KSR2: variants seen among roughly 807,000 people sequenced by gnomAD.
The protein encoded by KSR2 is kinase suppressor of ras 2.
Under a neutral mutation model 107.8 loss-of-function variants are expected in KSR2, and 25 were observed. That is an observed-to-expected ratio of 0.23 (90% CI 0.17 to 0.32). The LOEUF (loss-of-function observed/expected upper bound fraction) is 0.32, where lower values mean the gene tolerates loss of function less well. KSR2 is among the 10% of genes least tolerant of loss of function. The pLI is 1.00. For missense variants in KSR2, 887 were observed against 1,268.9 expected, an observed-to-expected ratio of 0.70 and a Z score of 4.57; for synonymous variants, 480 against 507.0, an observed-to-expected ratio of 0.95 and a Z score of 0.71.
Position 117,968,430 on chromosome 12 carries a change from GA to G in KSR2, c.-176del. The G allele has an allele frequency of 7.5e-7, 1 of 1,326,742 alleles. No homozygotes were observed. Among genetic ancestry groups the G allele is most frequent in the Non-Finnish European group, 9.6e-7 (1 of 1,046,156 alleles). 82.2% of individuals were successfully genotyped at this position (1,326,742 alleles called of 1,614,324 possible). A position where few individuals can be genotyped will look rare whatever the true frequency, so the allele number is the denominator to read the frequency against. On this transcript the variant is annotated 5_prime_UTR_variant, in exon 1 of 20. Coordinates refer to ENST00000339824, the MANE Select transcript of KSR2 (RefSeq NM_173598.6). ...TGAGGGGGTGGGAGTGGGAGGAGGG[GA>G]CAAGAGCCAAAATTTATTATTTTAT...
intron 1 of KSR2, among the ~76,000 whole-genome samples, chr12:117,956,732 G>C (rs575216951): frequency 1.2e-4 from 18 of 152,146 alleles, no homozygotes; most frequent in Admixed American, 9.8e-4. Context: ...TTCAAGGCCA[G>C]CCTGGGCAAC....
intron 14 of KSR2, among the ~76,000 whole-genome samples, chr12:117,522,035 A>T (rs2137228025): frequency 6.6e-6 from 1 of 152,322 alleles, no homozygotes; most frequent in Middle Eastern, 3.4e-3. Context: ...AAAACACTTC[A>T]GAGACCAATT....
At chr12:117,638,612 T>C (rs1883215708) in intron 5 of KSR2, among the ~76,000 whole-genome samples, 3 of 152,056 alleles carry the variant, frequency 2.0e-5, no homozygotes, top group South Asian at 4.1e-4. Flanking sequence ...TAGGGACATG[T>C]ACATGTGAGG....
At chr12:117,950,755 T>A (rs971174104) in intron 1 of KSR2, among the ~76,000 whole-genome samples, 15 of 145,806 alleles carry the variant, frequency 1.0e-4, no homozygotes, top group Non-Finnish European at 1.8e-4. Flanking sequence ...AAAAAAATAA[T>A]AATAATAATA....
At chr12:117,795,504 C>T (rs1002075214) in intron 3 of KSR2, among the ~76,000 whole-genome samples, 6 of 152,086 alleles carry the variant, frequency 3.9e-5, no homozygotes, top group African/African-American at 1.4e-4. Context: ...TGGAAAGGAC[C>T]CAGAATCTTC....
intron 2 of KSR2, 82 bp from the exon 3 acceptor site, chr12:117,855,660 G>A: frequency 7.1e-7 from 1 of 1,413,222 alleles, no homozygotes; most frequent in Non-Finnish European, 9.9e-7. Context: ...GGTGCCTAGA[G>A]GAGAACACTC....
intron 4 of KSR2, among the ~76,000 whole-genome samples, chr12:117,680,657 G>A (rs75071092): frequency 0.011 from 1,657 of 152,244 alleles, 25 homozygotes; most frequent in African/African-American, 0.037. Context: ...CATTATGGTG[G>A]ACTGGTCGAT....
chr12:117,555,176 A>G lies in KSR2; in HGVS notation c.1511T>C (p.Ile504Thr), dbSNP rs762277852. Residue 504 changes from isoleucine (I) to threonine (T), a missense_variant, in exon 9 of 20, where the codon ATC (isoleucine) becomes ACC (threonine). Around this residue, in one of 8 missense-constraint regions of KSR2, gnomAD observed 60 missense variants for 77.5 expected, o/e 0.77. Transcript: ENST00000339824. Reference protein sequence around the residue: ...ISQTLPKTNKINKDHIPVPYQ... With the variant: ...ISQTLPKTNKTNKDHIPVPYQ... The stretch of plus-strand genomic sequence containing the variant: ...GGGGAAGCCCAGCCTTACCTTGTTG[A>G]TTTTGTTGGTTTTGGGGAGCGTCTG... 1 of 1,613,616 alleles carries G rather than the reference A, an allele frequency of 6.2e-7. No individual in the cohort carries two copies. Among genetic ancestry groups the G allele is most frequent in the Non-Finnish European group, 8.5e-7 (1 of 1,179,808 alleles).
chr12:117,696,379 C>T (rs1225045170), intron 4 of KSR2, among the ~76,000 whole-genome samples: 1 of 152,072 alleles, frequency 6.6e-6, no homozygotes, highest in Non-Finnish European at 1.5e-5. Flanking sequence ...CCTAAGATAC[C>T]CTGAGCTGTC....
intron 6 of KSR2, among the ~76,000 whole-genome samples, chr12:117,580,479 C>T (rs903814597): frequency 5.3e-5 from 8 of 152,208 alleles, no homozygotes; most frequent in African/African-American, 1.7e-4. Flanking sequence ...GTTTTTTCTC[C>T]TTTCCAGACC....
At chr12:117,712,257 G>C (rs1050178315) in intron 4 of KSR2, among the ~76,000 whole-genome samples, 1 of 152,190 alleles carries the variant, frequency 6.6e-6, no homozygotes, top group Non-Finnish European at 1.5e-5. Flanking sequence ...TCCTCTCAAG[G>C]GGGTAGACTT....
intron 3 of KSR2, among the ~76,000 whole-genome samples, chr12:117,765,319 A>G (rs80086052): frequency 0.042 from 6,425 of 152,310 alleles, 231 homozygotes; most frequent in African/African-American, 0.099. Context: ...TGGCATTATC[A>G]TGACAAGCTG....
chr12:117,758,179 C>T (rs1888864510), intron 4 of KSR2, among the ~76,000 whole-genome samples: 1 of 152,154 alleles, frequency 6.6e-6, no homozygotes, highest in Non-Finnish European at 1.5e-5. Context: ...AAGGCTACTT[C>T]CTGGCAGGAT....
At chr12:117,854,871 G>A (rs938593038) in intron 3 of KSR2, among the ~76,000 whole-genome samples, 3 of 145,418 alleles carry the variant, frequency 2.1e-5, no homozygotes, top group African/African-American at 5.1e-5. Flanking sequence ...TATTTTATTA[G>A]GTGAAAAAAA....
intron 3 of KSR2, among the ~76,000 whole-genome samples, chr12:117,768,778 C>A (rs974830988): frequency 9.9e-5 from 15 of 152,260 alleles, no homozygotes; most frequent in East Asian, 3.9e-4. Context: ...AAGTTATAGA[C>A]CCACGGAACA....
chr12:117,541,356 A>C (rs1474054276), intron 9 of KSR2, among the ~76,000 whole-genome samples: 1 of 152,188 alleles, frequency 6.6e-6, no homozygotes, highest in Admixed American at 6.5e-5. Context: ...AGGGAGGAAC[A>C]GTAGCTGTAT....
At chr12:117,739,224 G>T in intron 4 of KSR2, among the ~76,000 whole-genome samples, 1 of 151,784 alleles carries the variant, frequency 6.6e-6, no homozygotes, top group Middle Eastern at 3.4e-3. Context: ...GCGTGGTAGC[G>T]GGCGCCTGTA....
chr12:117,852,069 G>T (rs936465947), intron 3 of KSR2, among the ~76,000 whole-genome samples: 3 of 151,288 alleles, frequency 2.0e-5, no homozygotes, highest in South Asian at 2.1e-4. Context: ...ACCTATGTGT[G>T]TGGGGGGGGT....
chr12:117,552,950 C>T (rs1260608899), intron 9 of KSR2, among the ~76,000 whole-genome samples: 1 of 152,224 alleles, frequency 6.6e-6, no homozygotes, highest in East Asian at 1.9e-4. Context: ...AAACCATTCC[C>T]TCTGCTCTCT....
Sources: allele counts gnomAD v4.1 joint callset (sites outside exome capture counted in the v4.1 genomes callset), GRCh38; gene constraint gnomAD v4.1.1; regional missense constraint gnomAD v4.1.1; transcripts MANE v1.5; gene names NCBI Gene and HGNC (gene_info 2026-07-23, HGNC 2026-07-21).